ZFP64: variants seen among roughly 807,000 people sequenced by gnomAD.
The protein encoded by ZFP64 is zinc finger protein 64.
In ZFP64, 14 loss-of-function variants were observed where a neutral mutation model predicts 51.6. The ratio of observed to expected loss-of-function variants is 0.27; its 90% confidence interval spans 0.18 to 0.42. The LOEUF is 0.42. Among genes scored for constraint, ZFP64 ranks in the 10% least tolerant of loss-of-function variants. The pLI is 1.00. For synonymous variants in ZFP64, 375 were observed against 361.4 expected, an observed-to-expected ratio of 1.04 and a Z score of -0.43; for missense variants, 754 against 906.8, an observed-to-expected ratio of 0.83 and a Z score of 2.16.
chr20:52,189,269 G>A (rs1159135927), intron 1 of ZFP64, among the ~76,000 whole-genome samples: 1 of 151,304 alleles, frequency 6.6e-6, no homozygotes, highest in Non-Finnish European at 1.5e-5. Flanking sequence ...GGTGGCACGT[G>A]CCAGTAATCC....
chr20:52,148,800 T>C (rs1435583833), downstream of ZFP64, among the ~76,000 whole-genome samples: 5 of 151,694 alleles, frequency 3.3e-5, no homozygotes, highest in African/African-American at 1.2e-4. Flanking sequence ...ACCAGTTTAA[T>C]CTCAGGGGAA....
exon 9 of ZFP64, chr20:52,084,516 T>TG: frequency 6.4e-7 from 1 of 1,569,600 alleles, no homozygotes; most frequent in Non-Finnish European, 8.6e-7. Flanking sequence ...GCAACAGCAC[T>TG]GGTCAGAAGT....
At chr20:52,114,199 C>T (rs576508116) in intron 5 of ZFP64, among the ~76,000 whole-genome samples, 3 of 152,272 alleles carry the variant, frequency 2.0e-5, no homozygotes, top group East Asian at 1.9e-4. Flanking sequence ...TTCAAGTAAA[C>T]GGAAACACTG....
intron 5 of ZFP64, among the ~76,000 whole-genome samples, chr20:52,121,003 C>T (rs1979163097): frequency 6.6e-6 from 1 of 152,122 alleles, no homozygotes; most frequent in African/African-American, 2.4e-5. Flanking sequence ...TGATGCTACC[C>T]TCGTAACTGT....
chr20:52,113,422 CTT>C (rs936439409), intron 5 of ZFP64, among the ~76,000 whole-genome samples: 2 of 96,510 alleles, frequency 2.1e-5, no homozygotes, highest in African/African-American at 4.1e-5. Context: ...GCCAGGAATT[CTT>C]TTTTTTTTTT....
At chr20:52,109,780 CAAAA>C (rs779914417) in intron 5 of ZFP64, among the ~76,000 whole-genome samples, 79 of 46,132 alleles carry the variant, frequency 1.7e-3, no homozygotes, top group African/African-American at 5.5e-3. Context: ...AATTCCACCT[CAAAA>C]AAAAAAAAAA....
At chr20:52,131,981 G>A (rs1468636255) in intron 5 of ZFP64, among the ~76,000 whole-genome samples, 2 of 151,854 alleles carry the variant, frequency 1.3e-5, no homozygotes, top group South Asian at 2.1e-4. Context: ...CACAAAACAA[G>A]TCTTAAAATG....
chr20:52,145,498 T>C (rs6021742), intron 5 of ZFP64, among the ~76,000 whole-genome samples: 55,754 of 151,486 alleles, frequency 0.37, 10,811 homozygotes, highest in Non-Finnish European at 0.41. Context: ...ACAAAAAATA[T>C]GTGGTGGTAC....
intron 1 of ZFP64, among the ~76,000 whole-genome samples, chr20:52,188,406 C>A (rs1425607542): frequency 1.4e-5 from 2 of 148,004 alleles, no homozygotes; most frequent in East Asian, 4.1e-4. Flanking sequence ...GCTCTGCCTC[C>A]CGGGTTCACG....
intron 5 of ZFP64, among the ~76,000 whole-genome samples, chr20:52,102,977 G>T (rs1039327603): frequency 3.9e-5 from 6 of 151,990 alleles, no homozygotes; most frequent in African/African-American, 1.4e-4. Flanking sequence ...GTGAGAGAGA[G>T]GTGGGTTAAA....
intron 7 of ZFP64, among the ~76,000 whole-genome samples, chr20:52,091,727 T>A (rs1471357511): frequency 6.6e-6 from 1 of 151,430 alleles, no homozygotes; most frequent in African/African-American, 2.4e-5. Context: ...GTGGCTCACG[T>A]CTGTAATCCC....
In ZFP64 at chr20:52,102,258, G is replaced by A. The variant is rs112121798; in HGVS notation, c.764-3671C>T. 1.2e-3 allele frequency among the ~76,000 whole-genome samples: 180 copies of A among 152,238 alleles called. 1 individual carries two copies. The highest frequency in any genetic ancestry group is 4.1e-3 in the African/African-American group (170 of 41,534). ...CACAGCCAGTGGTTCTCAGACGTCAGCGTGTATCAGAATTGCCTAGAAGGC... is the reference window on the plus strand; with the variant it reads ...CACAGCCAGTGGTTCTCAGACGTCAACGTGTATCAGAATTGCCTAGAAGGC... On this transcript the variant is annotated intron_variant, in intron 5 of 8. Transcript: ENST00000361387.
In ZFP64 at chr20:52,110,732, C is replaced by T. The variant is rs559011850; in HGVS notation, c.764-12145G>A. 45 of 1,596,230 alleles carry T rather than the reference C, an allele frequency of 2.8e-5. No homozygotes were observed. In the Middle Eastern group the frequency reaches 8.4e-4, roughly 30 times the overall value. ...TGGATGGCTCCAACCTTAACTGCCC[C>T]AGTACATGGGACTGGGTTCTCAAAG... On this transcript the variant is annotated intron_variant, in intron 5 of 8. Coordinates refer to the ZFP64 transcript ENST00000361387.
chr20:52,174,023 A>T (rs941185860), intron 2 of ZFP64, among the ~76,000 whole-genome samples: 5 of 152,150 alleles, frequency 3.3e-5, no homozygotes, highest in African/African-American at 1.2e-4. Flanking sequence ...TTATTAAATG[A>T]CTATTCTCTC....
chr20:52,189,030 AAAG>A (rs1467097196), intron 1 of ZFP64, among the ~76,000 whole-genome samples: 1 of 152,194 alleles, frequency 6.6e-6, no homozygotes, highest in Non-Finnish European at 1.5e-5. Context: ...AGAAACTTAT[AAAG>A]AAGGGGAAAA....
At chr20:52,172,869 C>T (rs1032307364) in intron 2 of ZFP64, among the ~76,000 whole-genome samples, 2 of 152,218 alleles carry the variant, frequency 1.3e-5, no homozygotes, top group African/African-American at 4.8e-5. Context: ...TGTTTTCTGG[C>T]TCCAGGGGAT....
chr20:52,115,628 C>T (rs542955478), intron 5 of ZFP64, among the ~76,000 whole-genome samples: 8 of 151,616 alleles, frequency 5.3e-5, no homozygotes, highest in African/African-American at 1.5e-4. Flanking sequence ...TTGGCCAGGC[C>T]GGTCTTGAAT....
intron 5 of ZFP64, chr20:52,104,599 C>T (rs1357393186): frequency 9.2e-6 from 4 of 435,116 alleles, no homozygotes; most frequent in African/African-American, 2.0e-5. Context: ...GCGCTGACGC[C>T]CTGGGTCCCT....
chr20:52,164,543 C>A, intron 4 of ZFP64, 152 bp downstream of exon 4: 1 of 693,458 alleles, frequency 1.4e-6, no homozygotes, highest in Non-Finnish European at 2.5e-6. Flanking sequence ...GTCATGTGTA[C>A]AAATGGCACC....
Sources: allele counts gnomAD v4.1 joint callset (sites outside exome capture counted in the v4.1 genomes callset), GRCh38; gene constraint gnomAD v4.1.1; transcripts MANE v1.5; gene names NCBI Gene and HGNC (gene_info 2026-07-23, HGNC 2026-07-21).